PTDSS1: variants seen among roughly 807,000 people sequenced by gnomAD.
PTDSS1 encodes phosphatidylserine synthase 1, also known as PSS-1.
In PTDSS1, 45 loss-of-function variants were observed where a neutral mutation model predicts 70.5. That is an observed-to-expected ratio of 0.64 (90% CI 0.50 to 0.82). PTDSS1 has a LOEUF of 0.82. PTDSS1 is among the 40% of genes least tolerant of loss of function. The probability of loss-of-function intolerance (pLI) is 0.00; values close to 1 mark genes in which losing one functional copy is unlikely to be tolerated. For synonymous variants in PTDSS1, 188 were observed against 203.8 expected, an observed-to-expected ratio of 0.92 and a Z score of 0.66; for missense variants, 417 against 586.1, an observed-to-expected ratio of 0.71 and a Z score of 2.98.
intron 6 of PTDSS1, among the ~76,000 whole-genome samples, chr8:96,300,448 C>T (rs970198837): frequency 6.6e-6 from 1 of 152,208 alleles, no homozygotes; most frequent in African/African-American, 2.4e-5. Context: ...TGACTTAGCT[C>T]ACTTGCCACC....
At chr8:96,310,451 C>T (rs544208392) in intron 9 of PTDSS1, among the ~76,000 whole-genome samples, 19 of 151,292 alleles carry the variant, frequency 1.3e-4, no homozygotes, top group South Asian at 4.2e-4. Context: ...CATGAGCCAC[C>T]GCACCCGGCC....
chr8:96,281,592 C>T (rs1344318463), intron 2 of PTDSS1, among the ~76,000 whole-genome samples: 2 of 152,138 alleles, frequency 1.3e-5, no homozygotes, highest in Admixed American at 6.6e-5. Context: ...GTAAAGCCTG[C>T]GCCATGCCTT....
Position 96,294,961 on chromosome 8 carries a change from A to T in PTDSS1, c.442-137A>T, listed in dbSNP as rs1409926530. The T allele has an allele frequency of 5.0e-6, 4 of 801,488 alleles. No homozygotes were observed. The African/African-American group carries it at 5.3e-5, about 11-fold the overall frequency. The allele number at this position is 801,488 out of a possible 1,614,324, so 49.6% of individuals were successfully genotyped here. ...TTTCCCTCAAGGCCCTTAAGTTATT[A>T]AAACTTTCTCATTTGTTACTGAGCA... On this transcript the variant is annotated intron_variant, in intron 4 of 12. Coordinates refer to ENST00000517309, the MANE Select transcript of PTDSS1 (RefSeq NM_014754.3).
Position 96,304,033 on chromosome 8 carries a change from C to T in PTDSS1, c.753-7C>T, listed in dbSNP as rs765755644. On this transcript the variant is annotated splice_polypyrimidine_tract_variant and splice_region_variant and intron_variant, in intron 6 of 12. Transcript: ENST00000517309. The stretch of plus-strand genomic sequence containing the variant: ...GGATTTTCACTGGAGCCATTCTCTT[C>T]TTACAGGGACATTCATACCACCACC... 6.2e-7 allele frequency: 1 copy of T among 1,601,838 alleles called. No homozygotes were observed. The highest frequency in any genetic ancestry group is 1.8e-5 in the Admixed American group (1 of 56,212).
At position 96,275,213 on chromosome 8, in the gene PTDSS1, A is replaced by C. The variant is rs540171529; in HGVS notation, c.271+1823A>C. On this transcript the variant is annotated intron_variant, in intron 2 of 12. Coordinates refer to ENST00000517309, the MANE Select transcript of PTDSS1 (RefSeq NM_014754.3). ...AGGCTGGAGTGCAATAGCTATTCAC[A>C]AGTGTGGTTATAGGGCACTACATCC... Among the ~76,000 whole-genome samples the C allele has an allele frequency of 1.1e-4, 17 of 152,290 alleles. No homozygotes were observed. The South Asian group carries it at 3.3e-3, about 30-fold the overall frequency.
At chr8:96,273,858 T>G (rs544941638) in intron 2 of PTDSS1, among the ~76,000 whole-genome samples, 3 of 152,348 alleles carry the variant, frequency 2.0e-5, no homozygotes, top group African/African-American at 4.8e-5. Flanking sequence ...ACCATAAACT[T>G]TGCTGATTAT....
chr8:96,317,406 C>G lies in PTDSS1; in HGVS notation c.1074-2840C>G, dbSNP rs570796779. 2.0e-4 allele frequency among the ~76,000 whole-genome samples: 24 copies of G among 122,406 alleles called. No individual in the cohort carries two copies. In the South Asian group the frequency reaches 3.0e-3, roughly 15 times the overall value. 80.3% of individuals were successfully genotyped at this position (122,406 alleles called of 152,430 possible). A position where few individuals can be genotyped will look rare whatever the true frequency, so the allele number is the denominator to read the frequency against. ...TCAGCACATTGGCACAAATCATATC[C>G]TTAAGTTGCTAACTCAAAAGCACGG... On this transcript the variant is annotated intron_variant, in intron 9 of 12. Transcript: ENST00000517309.
chr8:96,271,776 C>A (rs1810569864), intron 1 of PTDSS1, among the ~76,000 whole-genome samples: 1 of 152,218 alleles, frequency 6.6e-6, no homozygotes, highest in Admixed American at 6.5e-5. Context: ...TTTTAACTTA[C>A]CATGAGTGAG....
rs1811556083 is a variant in PTDSS1 at position 96,333,816 on chromosome 8, C to T, written c.*250C>T. 1.4e-6 allele frequency: 1 copy of T among 690,464 alleles called. No individual in the cohort carries two copies. The highest frequency in any genetic ancestry group is 2.6e-6 in the Non-Finnish European group (1 of 380,116). The allele number at this position is 690,464 out of a possible 1,614,324, so 42.8% of individuals were successfully genotyped here. A position where few individuals can be genotyped will look rare whatever the true frequency, so the allele number is the denominator to read the frequency against. On this transcript the variant is annotated 3_prime_UTR_variant, in exon 13 of 13. Transcript: ENST00000517309. ...ACTTCAGCACTTGACATGCGGTCAC[C>T]GGTGGCAGCGCGGTGTGTTGAAGGG...
intron 2 of PTDSS1, among the ~76,000 whole-genome samples, chr8:96,275,313 AC>A (rs1176914511): frequency 1.3e-5 from 2 of 152,000 alleles, no homozygotes; most frequent in Non-Finnish European, 2.9e-5. Context: ...ACATCACCAC[AC>A]CCAGCTAATT....
At chr8:96,282,177 G>A (rs1436061483) in intron 2 of PTDSS1, among the ~76,000 whole-genome samples, 2 of 152,168 alleles carry the variant, frequency 1.3e-5, no homozygotes, top group East Asian at 3.9e-4. Flanking sequence ...TACAAGCCAG[G>A]CAGCCACCAA....
At chr8:96,277,819 A>G (rs1338834270) in intron 2 of PTDSS1, among the ~76,000 whole-genome samples, 1 of 152,222 alleles carries the variant, frequency 6.6e-6, no homozygotes, top group Admixed American at 6.5e-5. Flanking sequence ...CTAAATAACA[A>G]AAAAGACCTT....
intron 10 of PTDSS1, among the ~76,000 whole-genome samples, chr8:96,326,512 C>T (rs1192304623): frequency 2.6e-5 from 4 of 152,150 alleles, no homozygotes. Flanking sequence ...GGAGTGAGTT[C>T]AAGAGACAAA....
At chr8:96,307,516 T>C (rs1474173199) in intron 8 of PTDSS1, among the ~76,000 whole-genome samples, 1 of 136,238 alleles carries the variant, frequency 7.3e-6, no homozygotes. Context: ...AAGTAAGACA[T>C]GTCCAAGTCC....
rs531562509 is a variant in PTDSS1, at chr8:96,303,886, AGAG to A, written c.753-153_753-151del. On this transcript the variant is annotated intron_variant, in intron 6 of 12. Coordinates refer to ENST00000517309, the MANE Select transcript of PTDSS1 (RefSeq NM_014754.3). The stretch of plus-strand genomic sequence containing the variant: ...CTTCTGTCACCTGCTTTACCTGTAT[AGAG>A]AGACCTTTGAGACACAATTCAAATA... Among the ~76,000 whole-genome samples the A allele has an allele frequency of 7.2e-5, 11 of 152,282 alleles. No individual in the cohort carries two copies. The East Asian group carries it at 2.1e-3, about 29-fold the overall frequency.
At chr8:96,274,321 T>C (rs1810609896) in intron 2 of PTDSS1, among the ~76,000 whole-genome samples, 1 of 152,204 alleles carries the variant, frequency 6.6e-6, no homozygotes, top group African/African-American at 2.4e-5. Context: ...TCATTATGAA[T>C]GTTATCAGAT....
At chr8:96,265,725 A>G (rs550748127) in intron 1 of PTDSS1, among the ~76,000 whole-genome samples, 1 of 152,226 alleles carries the variant, frequency 6.6e-6, no homozygotes, top group Admixed American at 6.5e-5. Flanking sequence ...ACCATACTCC[A>G]GCCTCCACCC....
At chr8:96,266,430 G>T (rs1286480862) in intron 1 of PTDSS1, among the ~76,000 whole-genome samples, 1 of 152,120 alleles carries the variant, frequency 6.6e-6, no homozygotes, top group Non-Finnish European at 1.5e-5. Context: ...TCCCTTATTG[G>T]CTTTGGAACT....
chr8:96,316,975 C>T (rs1811298370), intron 9 of PTDSS1, among the ~76,000 whole-genome samples: 1 of 151,516 alleles, frequency 6.6e-6, no homozygotes, highest in African/African-American at 2.4e-5. Flanking sequence ...GCCTGGGTGA[C>T]AGAGTGAGAC....
Sources: gnomAD v4.1 joint callset for allele counts (sites outside exome capture counted in the v4.1 genomes callset) on GRCh38, gnomAD v4.1.1 for gene constraint, MANE v1.5 for transcripts, NCBI Gene and HGNC (gene_info 2026-07-23, HGNC 2026-07-21) for gene names.